FBXL20: variants seen among roughly 807,000 people sequenced by gnomAD.
The protein encoded by FBXL20 is F-box and leucine rich repeat protein 20.
A neutral mutation model predicts 64.0 loss-of-function variants in FBXL20; 11 were observed. The observed-to-expected ratio is 0.17, with a 90% confidence interval of 0.11 to 0.28. FBXL20 has a LOEUF of 0.28. Ranked by LOEUF, FBXL20 falls within the 10% of genes least tolerant of loss-of-function variation. The pLI is 1.00. For missense variants in FBXL20, 303 were observed against 526.2 expected, an observed-to-expected ratio of 0.58 and a Z score of 4.15; for synonymous variants, 184 against 189.0, an observed-to-expected ratio of 0.97 and a Z score of 0.22.
chr17:39,291,343 T>C (rs1440887259), intron 6 of FBXL20, among the ~76,000 whole-genome samples: 1 of 151,972 alleles, frequency 6.6e-6, no homozygotes, highest in African/African-American at 2.4e-5. Flanking sequence ...TTTTTCTTCC[T>C]TTTTGGTAGG....
chr17:39,401,236 G>A (rs2048239565), intron 1 of FBXL20, 125 bp downstream of exon 1: 1 of 1,557,430 alleles, frequency 6.4e-7, no homozygotes, highest in Non-Finnish European at 8.7e-7. Context: ...AGCGGAGTCT[G>A]GCAGCCCCGC....
At chr17:39,347,390 T>C (rs1009470128) in intron 1 of FBXL20, among the ~76,000 whole-genome samples, 1 of 152,214 alleles carries the variant, frequency 6.6e-6, no homozygotes, top group Non-Finnish European at 1.5e-5. Context: ...TTCTAACTGG[T>C]GTGAGATGGT....
chr17:39,396,779 C>A (rs2048188263), intron 1 of FBXL20, among the ~76,000 whole-genome samples: 1 of 151,362 alleles, frequency 6.6e-6, no homozygotes, highest in Admixed American at 6.6e-5. Flanking sequence ...CACGGTGAAA[C>A]CCCGTCTCTA....
At position 39,390,825 on chromosome 17, in the gene FBXL20, G is replaced by C. The variant is rs1204988157; in HGVS notation, c.42+10536C>G. 2.0e-5 allele frequency among the ~76,000 whole-genome samples: 3 copies of C among 152,154 alleles called. No homozygotes were observed. In the East Asian group the frequency reaches 5.8e-4, roughly 29 times the overall value. On this transcript the variant is annotated intron_variant, in intron 1 of 14. Transcript: ENST00000264658. ...GCACTTTTGGAGGCCAAGGCAGGTG[G>C]ATCACGAGGTAAGGAGTTCAAGACC...
chr17:39,384,595 G>T (rs1215822220), intron 1 of FBXL20, among the ~76,000 whole-genome samples: 1 of 151,810 alleles, frequency 6.6e-6, no homozygotes, highest in Non-Finnish European at 1.5e-5. Context: ...ATTTCTAAAG[G>T]TGGAGAAGAA....
In FBXL20 at chr17:39,258,952, G is replaced by C. The variant is rs368328670; in HGVS notation, c.*2508C>G. On this transcript the variant is annotated 3_prime_UTR_variant, in exon 15 of 15. Coordinates refer to ENST00000264658, the MANE Select transcript of FBXL20 (RefSeq NM_032875.3). ...AACTATATTCCTTATAAGGTAATCT[G>C]AAAGAGAATAAGGGGAAAGGGGAAT... 6 of 152,240 alleles carry C rather than the reference G, an allele frequency of 3.9e-5. No individual in the cohort carries two copies. In the East Asian group the frequency reaches 9.6e-4, roughly 24 times the overall value. 9.4% of individuals were successfully genotyped at this position (152,240 alleles called of 1,614,324 possible).
rs568144650 is a variant in FBXL20, at chr17:39,380,746, A to G, written c.42+20615T>C. 2.5e-4 allele frequency among the ~76,000 whole-genome samples: 38 copies of G among 152,316 alleles called. 1 individual carries two copies. The South Asian group carries it at 7.7e-3, about 31-fold the overall frequency. On this transcript the variant is annotated intron_variant, in intron 1 of 14. Coordinates refer to ENST00000264658, the MANE Select transcript of FBXL20 (RefSeq NM_032875.3). The stretch of plus-strand genomic sequence containing the variant: ...TTTTGTCCACTTTTATACGCTCAGC[A>G]TCTATAAGAACACCAGGATGTAAAA...
intron 1 of FBXL20, among the ~76,000 whole-genome samples, chr17:39,363,155 C>T (rs577319924): frequency 1.3e-5 from 2 of 152,146 alleles, no homozygotes; most frequent in South Asian, 4.1e-4. Flanking sequence ...GGATTACAGG[C>T]ATGTGCCACC....
At chr17:39,372,794 T>G in intron 1 of FBXL20, among the ~76,000 whole-genome samples, 1 of 151,274 alleles carries the variant, frequency 6.6e-6, no homozygotes, top group South Asian at 2.1e-4. Flanking sequence ...CCTGGCTAAT[T>G]TTTTGTATTT....
At chr17:39,348,158 A>G (rs1176710309) in intron 1 of FBXL20, among the ~76,000 whole-genome samples, 1 of 150,324 alleles carries the variant, frequency 6.7e-6, no homozygotes, top group African/African-American at 2.5e-5. Context: ...GCTGTGTCAC[A>G]CACATACAAA....
At chr17:39,289,017 T>C (rs1398575565) in intron 6 of FBXL20, among the ~76,000 whole-genome samples, 2 of 152,198 alleles carry the variant, frequency 1.3e-5, no homozygotes, top group African/African-American at 4.8e-5. Flanking sequence ...CATAAAGGTT[T>C]TTAATTTTAA....
intron 9 of FBXL20, among the ~76,000 whole-genome samples, chr17:39,279,134 ACTCCGT>A (rs2046926059): frequency 6.6e-6 from 1 of 151,920 alleles, no homozygotes; most frequent in Non-Finnish European, 1.5e-5. Context: ...ATACAGCGAG[ACTCCGT>A]CTCTAAATAA....
At chr17:39,289,063 G>A (rs967841411) in intron 6 of FBXL20, among the ~76,000 whole-genome samples, 1 of 152,088 alleles carries the variant, frequency 6.6e-6, no homozygotes, top group South Asian at 2.1e-4. Flanking sequence ...TTTATAGCTT[G>A]TCTATGTGTG....
At chr17:39,356,293 A>G (rs1420918458) in intron 1 of FBXL20, among the ~76,000 whole-genome samples, 1 of 151,752 alleles carries the variant, frequency 6.6e-6, no homozygotes, top group Non-Finnish European at 1.5e-5. Flanking sequence ...GTTAATTATC[A>G]TATGTGGTAT....
Position 39,286,904 on chromosome 17 carries a change from T to C in FBXL20, c.399-1331A>G, listed in dbSNP as rs990038017. ...TTTTACCTGTAAATATTTCAGTATC[T>C]ATTTCTTTTTTTTTTTTTTTTTTTT... On this transcript the variant is annotated intron_variant, in intron 6 of 14. Coordinates refer to ENST00000264658, the MANE Select transcript of FBXL20 (RefSeq NM_032875.3). 9.5e-5 allele frequency among the ~76,000 whole-genome samples: 14 copies of C among 147,766 alleles called. No individual in the cohort carries two copies. In the East Asian group the frequency reaches 2.8e-3, roughly 29 times the overall value.
At chr17:39,297,434 T>A in intron 5 of FBXL20, 1 of 275,790 alleles carries the variant, frequency 3.6e-6, no homozygotes, top group Non-Finnish European at 6.8e-6. Flanking sequence ...GTAATCGCGG[T>A]TTTTGCCATT....
At chr17:39,368,760 A>G (rs8077822) in intron 1 of FBXL20, among the ~76,000 whole-genome samples, 1 of 151,974 alleles carries the variant, frequency 6.6e-6, no homozygotes. Flanking sequence ...GGTTCAAGCT[A>G]TTCTCCTGCC....
chr17:39,379,686 GGAA>G (rs1253249195), intron 1 of FBXL20, among the ~76,000 whole-genome samples: 3 of 152,088 alleles, frequency 2.0e-5, no homozygotes, highest in Admixed American at 2.0e-4. Flanking sequence ...AGGCTGAGGT[GGAA>G]GGATCCCTTG....
intron 1 of FBXL20, among the ~76,000 whole-genome samples, chr17:39,399,143 A>G (rs2048216254): frequency 6.6e-6 from 1 of 152,292 alleles, no homozygotes; most frequent in Non-Finnish European, 1.5e-5. Context: ...AGAAAAATAA[A>G]CCTTACGTAG....
Sources: allele counts gnomAD v4.1 joint callset (sites outside exome capture counted in the v4.1 genomes callset), GRCh38; gene constraint gnomAD v4.1.1; transcripts MANE v1.5; gene names NCBI Gene and HGNC (gene_info 2026-07-23, HGNC 2026-07-21).